Variants in PTK7 observed in about 807,000 individuals in gnomAD.
The protein encoded by PTK7 is protein tyrosine kinase 7 (inactive).
A neutral mutation model predicts 116.6 loss-of-function variants in PTK7; 39 were observed. That is an observed-to-expected ratio of 0.33 (90% CI 0.26 to 0.44). The LOEUF (loss-of-function observed/expected upper bound fraction) is 0.44, where lower values mean the gene tolerates loss of function less well. Among genes scored for constraint, PTK7 ranks in the 20% least tolerant of loss-of-function variants. The pLI, the probability that PTK7 is intolerant of heterozygous loss-of-function variation, is 1.00. For synonymous variants in PTK7, 546 were observed against 563.6 expected, an observed-to-expected ratio of 0.97 and a Z score of 0.44; for missense variants, 1,169 against 1,425.6, an observed-to-expected ratio of 0.82 and a Z score of 2.90.
chr6:43,110,180 A>G (rs1008961386), intron 1 of PTK7, among the ~76,000 whole-genome samples: 16 of 149,622 alleles, frequency 1.1e-4, no homozygotes, highest in African/African-American at 3.9e-4. Context: ...GTATGTTTAG[A>G]ATACAAAATA....
In PTK7 at chr6:43,139,841, T is replaced by C. The variant is rs1770281334; in HGVS notation, c.1618+316T>C. The stretch of plus-strand genomic sequence containing the variant: ...ATAAAAATTACATGGAGGCCGTGCA[T>C]AGTGGCTCACGCCTGTAATCCCAAC... On this transcript the variant is annotated intron_variant, in intron 10 of 19. Transcript: ENST00000230419. The surrounding 1 kb of genome is among the most constrained non-coding windows in gnomAD (Gnocchi z 4.6). Among the ~76,000 whole-genome samples the C allele has an allele frequency of 6.6e-6, 1 of 152,238 alleles. No individual in the cohort carries two copies. Among genetic ancestry groups the C allele is most frequent in the Non-Finnish European group, 1.5e-5 (1 of 68,034 alleles).
intron 1 of PTK7, among the ~76,000 whole-genome samples, chr6:43,103,088 C>T (rs1767673026): frequency 6.6e-6 from 1 of 152,206 alleles, no homozygotes; most frequent in Admixed American, 6.5e-5. Context: ...ACACAAAACC[C>T]AGAAGGTTTG....
chr6:43,154,714 C>A (rs1220028359), intron 17 of PTK7, among the ~76,000 whole-genome samples: 1 of 152,226 alleles, frequency 6.6e-6, no homozygotes, highest in Non-Finnish European at 1.5e-5. Context: ...TGGAGTGTCC[C>A]CTCTCCTAGC....
rs188997375 is a variant in PTK7, at chr6:43,142,002, G to A, written c.1840G>A (p.Glu614Lys). The change falls in exon 12 of 20, where the codon GAG becomes AAG. Residue 614 changes from glutamate (E) to lysine (K), a missense_variant. Glu to Lys is a moderately conservative substitution (Grantham distance 56). Around this residue, in one of 3 missense-constraint regions of PTK7, gnomAD observed 678 missense variants for 853.8 expected, o/e 0.79. Coordinates refer to ENST00000230419, the MANE Select transcript of PTK7 (RefSeq NM_002821.5). ...YQGHTALLQC[E>K]AQGDPKPLIQ... ...GGGCCACACAGCCCTACTGCAGTGC[G>A]AGGCCCAGGGGGACCCCAAGCCGCT... The A allele has an allele frequency of 6.8e-6, 11 of 1,613,836 alleles. No homozygotes were observed. The highest frequency in any genetic ancestry group is 6.7e-5 in the Admixed American group (4 of 60,006).
intron 1 of PTK7, among the ~76,000 whole-genome samples, chr6:43,080,674 G>A (rs930636630): frequency 2.6e-5 from 4 of 152,174 alleles, no homozygotes; most frequent in African/African-American, 7.2e-5. Context: ...GGGTGCAGTG[G>A]CTCACATCTG....
chr6:43,138,707 G>T (rs774979560), intron 7 of PTK7, 142 bp from the exon 8 acceptor site: 2 of 1,236,388 alleles, frequency 1.6e-6, no homozygotes, highest in South Asian at 1.8e-5. Flanking sequence ...TGGGTCTTCC[G>T]TAAAGGGAAA....
intron 1 of PTK7, among the ~76,000 whole-genome samples, chr6:43,121,535 G>A (rs1397315932): frequency 6.6e-6 from 1 of 152,186 alleles, no homozygotes; most frequent in African/African-American, 2.4e-5. Flanking sequence ...ACCTTTTGTA[G>A]ACCCTGGGAA....
chr6:43,148,472 G>A (rs976035953), intron 17 of PTK7, among the ~76,000 whole-genome samples: 1 of 152,194 alleles, frequency 6.6e-6, no homozygotes, highest in Non-Finnish European at 1.5e-5. Flanking sequence ...AAAACCATTT[G>A]AGTTTAGTTC....
intron 7 of PTK7, 149 bp from the exon 8 acceptor site, chr6:43,138,700 G>A: frequency 8.8e-7 from 1 of 1,130,400 alleles, no homozygotes; most frequent in Non-Finnish European, 1.2e-6. Flanking sequence ...TGGCACCTGG[G>A]TCTTCCGTAA....
chr6:43,129,916 C>T lies in PTK7; in HGVS notation c.470+87C>T, dbSNP rs540361188. The T allele has an allele frequency of 2.1e-5, 27 of 1,290,926 alleles. No individual in the cohort carries two copies. Among genetic ancestry groups the T allele is most frequent in the Middle Eastern group, 1.8e-4 (1 of 5,452 alleles). 80.0% of individuals were successfully genotyped at this position (1,290,926 alleles called of 1,614,324 possible). A position where few individuals can be genotyped will look rare whatever the true frequency, so the allele number is the denominator to read the frequency against. On this transcript the variant is annotated intron_variant, in intron 3 of 19. Coordinates refer to ENST00000230419, the MANE Select transcript of PTK7 (RefSeq NM_002821.5). This position sits in a 1 kb window ranked among gnomAD's most constrained non-coding sequence, Gnocchi z 4.5. ...CTTGGACTCTATGCGGATGTTACCT[C>T]GCTCCATTCTGTGACCACTCGTTCC...
chr6:43,128,942 C>G, intron 1 of PTK7, 35 bp from the exon 2 acceptor site: 1 of 1,570,108 alleles, frequency 6.4e-7, no homozygotes, highest in Non-Finnish European at 8.7e-7. Context: ...CTGCAGCTCC[C>G]CCTGACCCTG....
intron 10 of PTK7, among the ~76,000 whole-genome samples, chr6:43,140,674 G>T (rs187489264): frequency 5.7e-4 from 87 of 152,120 alleles, no homozygotes; most frequent in African/African-American, 2.1e-3. Context: ...GATCGCTTGA[G>T]CCCAGGAGTT....
intron 1 of PTK7, among the ~76,000 whole-genome samples, chr6:43,120,820 C>G (rs1474998467): frequency 6.6e-6 from 1 of 152,154 alleles, no homozygotes; most frequent in Non-Finnish European, 1.5e-5. Context: ...CTGTATCAAA[C>G]CAGAACCCAG....
chr6:43,139,535 G>C lies in PTK7; in HGVS notation c.1618+10G>C, dbSNP rs112308628. The C allele has an allele frequency of 4.3e-6, 7 of 1,613,982 alleles. No individual in the cohort carries two copies. Among genetic ancestry groups the C allele is most frequent in the African/African-American group, 4.0e-5 (3 of 75,064 alleles). ...AAGTGGGAACGGGCAGGTGGGTACA[G>C]TGCCGGCATAGGGTAGGGGCAGGCA... On this transcript the variant is annotated intron_variant, in intron 10 of 19. Transcript: ENST00000230419. The surrounding 1 kb of genome is among the most constrained non-coding windows in gnomAD (Gnocchi z 4.6).
chr6:43,160,408 A>G (rs1414928832), intron 19 of PTK7, among the ~76,000 whole-genome samples: 1 of 152,088 alleles, frequency 6.6e-6, no homozygotes. Context: ...GTGAGCCACC[A>G]CACCTGGCCG....
intron 1 of PTK7, among the ~76,000 whole-genome samples, chr6:43,077,486 GC>G: frequency 6.6e-6 from 1 of 152,016 alleles, no homozygotes; most frequent in South Asian, 2.1e-4. Flanking sequence ...AGACAGCACC[GC>G]CCCCCCAACT....
intron 5 of PTK7, 22 bp downstream of exon 5, chr6:43,130,683 A>G (rs1554155417): frequency 1.2e-6 from 2 of 1,613,368 alleles, no homozygotes; most frequent in Non-Finnish European, 1.7e-6. Flanking sequence ...GGCTGGGAGC[A>G]TTCCAGTACC....
chr6:43,142,455 A>G, intron 13 of PTK7, 156 bp downstream of exon 13: 1 of 1,185,042 alleles, frequency 8.4e-7, no homozygotes, highest in Non-Finnish European at 1.2e-6. Context: ...ACAGTCTTAG[A>G]GTCCTTGCTC....
In PTK7 at chr6:43,136,504, C is replaced by T. The variant is rs535802882; in HGVS notation, c.1229-2345C>T. ...ATGGGTGAGCTGGCCTGGTCCCTGG[C>T]GGCCACACTCACCTGTCTGGCAGTT... On this transcript the variant is annotated intron_variant, in intron 7 of 19. Coordinates refer to ENST00000230419, the MANE Select transcript of PTK7 (RefSeq NM_002821.5). Among the ~76,000 whole-genome samples, 8 of 152,248 alleles carry T rather than the reference C, an allele frequency of 5.3e-5. No individual in the cohort carries two copies. The South Asian group carries it at 8.3e-4, about 16-fold the overall frequency.
Sources: gnomAD v4.1 joint callset for allele counts (sites outside exome capture counted in the v4.1 genomes callset) on GRCh38, gnomAD v4.1.1 for gene constraint, gnomAD v4.1.1 regional missense constraint, Gnocchi (gnomAD v3.1) non-coding constraint, MANE v1.5 for transcripts, NCBI Gene and HGNC (gene_info 2026-07-23, HGNC 2026-07-21) for gene names.